Variants in DLG5 observed in about 807,000 individuals in gnomAD.
DLG5 encodes discs large MAGUK scaffold protein 5.
Under a neutral mutation model 189.8 loss-of-function variants are expected in DLG5, and 48 were observed. The ratio of observed to expected loss-of-function variants is 0.25; its 90% confidence interval spans 0.20 to 0.32. The LOEUF (loss-of-function observed/expected upper bound fraction) is 0.32, where lower values mean the gene tolerates loss of function less well. DLG5 is among the 10% of genes least tolerant of loss of function. DLG5 has a pLI of 1.00. For missense variants in DLG5, 2,160 were observed against 2,544.7 expected, an observed-to-expected ratio of 0.85 and a Z score of 3.25; for synonymous variants, 1,016 against 1,054.1, an observed-to-expected ratio of 0.96 and a Z score of 0.70.
intron 5 of DLG5, among the ~76,000 whole-genome samples, chr10:77,847,713 G>A (rs1039636347): frequency 6.6e-6 from 1 of 152,028 alleles, no homozygotes. Flanking sequence ...TAGCTTCCCA[G>A]CAAAAGCTAA....
chr10:77,849,774 T>C (rs1482133872), intron 5 of DLG5, among the ~76,000 whole-genome samples: 1 of 152,248 alleles, frequency 6.6e-6, no homozygotes, highest in East Asian at 1.9e-4. Context: ...TCTGAATGTC[T>C]GTAAAGCTGA....
chr10:77,834,967 C>G (rs376100821), intron 8 of DLG5, among the ~76,000 whole-genome samples: 59 of 151,484 alleles, frequency 3.9e-4, no homozygotes, highest in African/African-American at 1.4e-3. Flanking sequence ...TCCCAAATAG[C>G]AAGACATTAT....
In DLG5 at chr10:77,837,344, C is replaced by T. The variant is rs566783244; in HGVS notation, c.1438-1422G>A. Among the ~76,000 whole-genome samples the T allele has an allele frequency of 1.7e-4, 26 of 151,734 alleles. No individual in the cohort carries two copies. In the South Asian group the frequency reaches 5.0e-3, roughly 29 times the overall value. On this transcript the variant is annotated intron_variant, in intron 7 of 31. Coordinates refer to ENST00000372391, the MANE Select transcript of DLG5 (RefSeq NM_004747.4). ...TTTATGGATAGTTTTAGAGCTGACA[C>T]GTTACCACGTGGATTCCCTGAAAGG...
At chr10:77,837,477 C>CT (rs1477714924) in intron 7 of DLG5, among the ~76,000 whole-genome samples, 2 of 152,118 alleles carry the variant, frequency 1.3e-5, no homozygotes, top group Non-Finnish European at 2.9e-5. Context: ...AGCTCCCTTC[C>CT]TTTCCCTGGG....
At chr10:77,920,659 T>C (rs1313502833) in intron 1 of DLG5, among the ~76,000 whole-genome samples, 4 of 152,122 alleles carry the variant, frequency 2.6e-5, no homozygotes, top group African/African-American at 4.8e-5. Context: ...TGTGGACACA[T>C]AACACTGGCC....
At chr10:77,793,849 A>G (rs1840766310) in intron 31 of DLG5, 159 bp downstream of exon 31, 1 of 642,744 alleles carries the variant, frequency 1.6e-6, no homozygotes, top group Admixed American at 2.6e-5. Context: ...TTGGCCAGGG[A>G]CTGCAATCTG....
In DLG5 at chr10:77,819,970, C is replaced by T. The variant is rs752568305; in HGVS notation, c.3451G>A (p.Glu1151Lys). The change falls in exon 16 of 32, where the codon GAG becomes AAG. Residue 1151 changes from glutamate (E) to lysine (K), a missense_variant. Around this residue, in one of 5 missense-constraint regions of DLG5, gnomAD observed 754 missense variants for 746.5 expected, o/e 1.01. Coordinates refer to ENST00000372391, the MANE Select transcript of DLG5 (RefSeq NM_004747.4). Reference protein sequence around the residue: ...ASGELSPELQEWAPYSPGHSS... With the variant: ...ASGELSPELQKWAPYSPGHSS... ...TGCCCAGGCGAGTAAGGTGCCCACT[C>T]CTGGAGCTCCGGGGAGAGTTCTCCA... 9 of 1,612,934 alleles carry T rather than the reference C, an allele frequency of 5.6e-6. No homozygotes were observed. The highest frequency in any genetic ancestry group is 1.1e-5 in the South Asian group (1 of 91,018).
chr10:77,800,562 G>C (rs1841152261), intron 27 of DLG5, among the ~76,000 whole-genome samples: 1 of 151,906 alleles, frequency 6.6e-6, no homozygotes, highest in South Asian at 2.1e-4. Flanking sequence ...CAGGCACGGG[G>C]CCGCCGCTGA....
intron 1 of DLG5, among the ~76,000 whole-genome samples, chr10:77,883,367 G>A (rs1202730713): frequency 6.6e-6 from 1 of 152,174 alleles, no homozygotes; most frequent in Non-Finnish European, 1.5e-5. Context: ...AGGATTAAAG[G>A]AGGAGGAATG....
At chr10:77,799,852 C>A (rs1841111529) in intron 27 of DLG5, among the ~76,000 whole-genome samples, 1 of 152,160 alleles carries the variant, frequency 6.6e-6, no homozygotes, top group South Asian at 2.1e-4. Context: ...CTCAAGCGAT[C>A]CTCTTGCCTC....
chr10:77,845,035 CAGT>C (rs1423986762), intron 5 of DLG5, among the ~76,000 whole-genome samples: 2 of 152,212 alleles, frequency 1.3e-5, no homozygotes, highest in African/African-American at 4.8e-5. Context: ...GCAGGCCTCA[CAGT>C]GAAGACTGTC....
intron 10 of DLG5, 104 bp downstream of exon 10, chr10:77,830,637 A>G (rs1269515286): frequency 2.6e-6 from 4 of 1,514,182 alleles, no homozygotes; most frequent in African/African-American, 1.4e-5. Flanking sequence ...GAAAAGGAGA[A>G]CCTCCAAACT....
chr10:77,836,745 C>T (rs574282032), intron 7 of DLG5, among the ~76,000 whole-genome samples: 1 of 152,196 alleles, frequency 6.6e-6, no homozygotes, highest in African/African-American at 2.4e-5. Flanking sequence ...CAAAAAGGAC[C>T]ATCAAAACTC....
At position 77,819,920 on chromosome 10, in the gene DLG5, CG is replaced by C; in HGVS notation, c.3500del (p.Pro1167ArgfsTer16). 1 of 1,599,300 alleles carries C rather than the reference CG, an allele frequency of 6.3e-7. No individual in the cohort carries two copies. The highest frequency in any genetic ancestry group is 1.1e-5 in the South Asian group (1 of 88,300). ...PGHSSRHSNP[P>X]LYPSRPSVGT... ...CCACAGACGGCCTGCTAGGGTATAG[CG>C]GGGGGTTGCTGTGCCGGCTGGAATG... On this transcript the variant is annotated frameshift_variant, in exon 16 of 32. Coordinates refer to ENST00000372391, the MANE Select transcript of DLG5 (RefSeq NM_004747.4). LOFTEE classifies it high-confidence loss of function.
chr10:77,909,293 G>T (rs774919184), intron 1 of DLG5, among the ~76,000 whole-genome samples: 2 of 152,150 alleles, frequency 1.3e-5, no homozygotes, highest in Non-Finnish European at 2.9e-5. Context: ...ACTCCTAAGT[G>T]AGAGTTGAAC....
At chr10:77,873,158 G>A (rs1463003326) in intron 1 of DLG5, among the ~76,000 whole-genome samples, 1 of 152,106 alleles carries the variant, frequency 6.6e-6, no homozygotes, top group Non-Finnish European at 1.5e-5. Flanking sequence ...TTCCAGAAAA[G>A]GGGAGCTTGA....
intron 1 of DLG5, among the ~76,000 whole-genome samples, chr10:77,911,086 T>C (rs1355399668): frequency 2.0e-5 from 3 of 151,956 alleles, no homozygotes; most frequent in Non-Finnish European, 4.4e-5. Context: ...CCATGAATAC[T>C]GAAAAGGCCA....
At chr10:77,922,716 G>A (rs1015935986) in intron 1 of DLG5, among the ~76,000 whole-genome samples, 5 of 152,092 alleles carry the variant, frequency 3.3e-5, no homozygotes, top group African/African-American at 1.2e-4. Context: ...TCATCTCCCT[G>A]GGGCTGCCAC....
In DLG5 at chr10:77,816,561, T is replaced by C; in HGVS notation, c.4015A>G (p.Arg1339Gly). The C allele has an allele frequency of 6.2e-7, 1 of 1,614,058 alleles. No homozygotes were observed. Among genetic ancestry groups the C allele is most frequent in the Non-Finnish European group, 8.5e-7 (1 of 1,179,976 alleles). The change falls in exon 20 of 32, where the codon AGA becomes GGA. Residue 1339 changes from arginine (R) to glycine (G), a missense_variant. Transcript: ENST00000372391. Reference sequence around the variant, plus strand: ...ACCGGCCATGCTCACCTGTCCTTTCTCCGCTCCCCGAGGGACGCGGGGTTG... The same window carrying C: ...ACCGGCCATGCTCACCTGTCCTTTCCCCGCTCCCCGAGGGACGCGGGGTTG... ...AVNPASLGER[R>G]KDRPYVEEPR...
Sources: allele counts gnomAD v4.1 joint callset (sites outside exome capture counted in the v4.1 genomes callset), GRCh38; gene constraint gnomAD v4.1.1; regional missense constraint gnomAD v4.1.1; transcripts MANE v1.5; gene names NCBI Gene and HGNC (gene_info 2026-07-23, HGNC 2026-07-21).